Variants in EYS observed in about 807,000 individuals in gnomAD.
EYS encodes the protein protein eyes shut homolog.
Under a neutral mutation model 282.1 loss-of-function variants are expected in EYS, and 250 were observed. The ratio of observed to expected loss-of-function variants is 0.89; its 90% confidence interval spans 0.80 to 0.98. EYS has a LOEUF of 0.98. EYS is among the 50% of genes least tolerant of loss of function. The probability of loss-of-function intolerance (pLI) is 0.00; values close to 1 mark genes in which losing one functional copy is unlikely to be tolerated. For synonymous variants in EYS, 1,355 were observed against 1,282.9 expected (o/e 1.06, Z -1.20); for missense variants, 4,016 against 3,709.0 (o/e 1.08, Z -2.15).
chr6:64,714,465 T>A (rs1771308934), intron 22 of EYS, among the ~76,000 whole-genome samples: 1 of 152,060 alleles, frequency 6.6e-6, no homozygotes, highest in African/African-American at 2.4e-5. Flanking sequence ...TTGACTCGTG[T>A]GTAATATTAG....
intron 28 of EYS, among the ~76,000 whole-genome samples, chr6:64,396,039 CA>C (rs899040054): frequency 6.6e-6 from 1 of 152,012 alleles, no homozygotes; most frequent in Non-Finnish European, 1.5e-5. Flanking sequence ...TAGACTACTC[CA>C]CCACAACATA....
chr6:64,758,499 C>T (rs977391533), intron 22 of EYS, among the ~76,000 whole-genome samples: 6 of 152,088 alleles, frequency 3.9e-5, no homozygotes, highest in Admixed American at 1.3e-4. Context: ...TACGACAATC[C>T]TCTCTCAGTG....
chr6:64,140,572 G>A (rs1464116904), intron 31 of EYS, among the ~76,000 whole-genome samples: 1 of 152,174 alleles, frequency 6.6e-6, no homozygotes, highest in East Asian at 1.9e-4. Context: ...CAAGAGATGA[G>A]TGGGAAGGAG....
chr6:65,525,669 C>G (rs562413100), intron 2 of EYS, among the ~76,000 whole-genome samples: 1 of 152,300 alleles, frequency 6.6e-6, no homozygotes, highest in East Asian at 1.9e-4. Flanking sequence ...ATCACTGACT[C>G]TTTTGTTTTC....
intron 30 of EYS, among the ~76,000 whole-genome samples, chr6:64,271,813 C>G (rs1293358033): frequency 6.6e-6 from 1 of 151,768 alleles, no homozygotes; most frequent in South Asian, 2.1e-4. Context: ...TGTGCTGATA[C>G]TAAATATTCC....
intron 35 of EYS, among the ~76,000 whole-genome samples, chr6:63,975,630 G>C (rs907432042): frequency 1.3e-5 from 2 of 151,944 alleles, no homozygotes; most frequent in East Asian, 1.9e-4. Context: ...GACAGCAGAG[G>C]GTTACAGTGA....
At chr6:64,816,773 T>G (rs1030121633) in intron 21 of EYS, among the ~76,000 whole-genome samples, 1 of 152,050 alleles carries the variant, frequency 6.6e-6, no homozygotes, top group South Asian at 2.1e-4. Context: ...AAAGTAGTGC[T>G]AATTATTTTA....
intron 29 of EYS, among the ~76,000 whole-genome samples, chr6:64,368,749 T>C (rs763810554): frequency 2.0e-5 from 3 of 152,152 alleles, no homozygotes; most frequent in Non-Finnish European, 1.5e-5. Context: ...CATTTTTAAA[T>C]GGGGTTGTTT....
chr6:65,058,411 A>G (rs1048300126), intron 12 of EYS, among the ~76,000 whole-genome samples: 3 of 152,186 alleles, frequency 2.0e-5, no homozygotes, highest in Admixed American at 6.6e-5. Context: ...TTGGCCTCCC[A>G]AAGCGCAGGA....
In EYS at chr6:65,359,007, C is replaced by A. The variant is rs371021572; in HGVS notation, c.1300-5390G>T. On this transcript the variant is annotated intron_variant, in intron 8 of 42. Transcript: ENST00000503581. Reference sequence around the variant, plus strand: ...AAATACACAAACATGCCTTTGGAAGCAAACATCTATCTTACTTTTGACAGT... The same window carrying A: ...AAATACACAAACATGCCTTTGGAAGAAAACATCTATCTTACTTTTGACAGT... Among the ~76,000 whole-genome samples, 7 of 152,096 alleles carry A rather than the reference C, an allele frequency of 4.6e-5. No homozygotes were observed. In the South Asian group the frequency reaches 6.2e-4, roughly 14 times the overall value.
intron 35 of EYS, among the ~76,000 whole-genome samples, chr6:63,937,340 CTTTTCTT>C (rs1765089216): frequency 8.7e-5 from 4 of 46,090 alleles, no homozygotes; most frequent in African/African-American, 1.4e-4. Flanking sequence ...AGGCTTCTCT[CTTTTCTT>C]TTTTTTTTTT....
At chr6:63,723,525 A>G (rs1195768603) in intron 42 of EYS, among the ~76,000 whole-genome samples, 1 of 152,114 alleles carries the variant, frequency 6.6e-6, no homozygotes, top group Non-Finnish European at 1.5e-5. Flanking sequence ...AATAAAAAAT[A>G]TCTAAGAAAT....
intron 21 of EYS, among the ~76,000 whole-genome samples, chr6:64,818,414 T>A (rs2150019719): frequency 6.6e-6 from 1 of 152,132 alleles, no homozygotes; most frequent in South Asian, 2.1e-4. Flanking sequence ...ACGAATAGGA[T>A]AGAAGTATAT....
intron 35 of EYS, among the ~76,000 whole-genome samples, chr6:63,975,631 G>T (rs933040698): frequency 6.6e-6 from 1 of 151,958 alleles, no homozygotes; most frequent in Non-Finnish European, 1.5e-5. Flanking sequence ...ACAGCAGAGG[G>T]TTACAGTGAA....
chr6:65,182,750 A>T (rs548562296), intron 12 of EYS, among the ~76,000 whole-genome samples: 1 of 151,946 alleles, frequency 6.6e-6, no homozygotes, highest in Admixed American at 6.6e-5. Context: ...GAATTGGATA[A>T]GTCTCAAACA....
intron 26 of EYS, among the ~76,000 whole-genome samples, chr6:64,534,922 C>G (rs1764471784): frequency 6.6e-6 from 1 of 152,080 alleles, no homozygotes; most frequent in African/African-American, 2.4e-5. Flanking sequence ...CACAAAGGTG[C>G]ATGCACACAC....
At chr6:65,490,522 C>T (rs987903324) in intron 5 of EYS, 72 bp downstream of exon 5, 5 of 837,838 alleles carry the variant, frequency 6.0e-6, no homozygotes, top group African/African-American at 5.1e-5. Context: ...AAATATTTCA[C>T]ATTTAATTTG....
intron 38 of EYS, among the ~76,000 whole-genome samples, chr6:63,788,807 G>A (rs182091939): frequency 5.3e-5 from 8 of 152,122 alleles, no homozygotes; most frequent in South Asian, 2.1e-4. Context: ...TTGAAGTTAC[G>A]CTCAAGCATC....
At chr6:64,535,475 C>T (rs368762181) in intron 26 of EYS, among the ~76,000 whole-genome samples, 9 of 151,938 alleles carry the variant, frequency 5.9e-5, no homozygotes, top group Admixed American at 2.6e-4. Flanking sequence ...CAGTGGCTCA[C>T]GCCTATAATC....
Sources: gnomAD v4.1 joint callset for allele counts (sites outside exome capture counted in the v4.1 genomes callset) on GRCh38, gnomAD v4.1.1 for gene constraint, MANE v1.5 for transcripts, NCBI Gene and HGNC (gene_info 2026-07-23, HGNC 2026-07-21) for gene names.